The following TBCEL variants were observed in gnomAD, a reference collection of about 807,000 sequenced individuals.
TBCEL encodes tubulin-specific chaperone cofactor E-like protein.
A neutral mutation model predicts 44.2 loss-of-function variants in TBCEL; 15 were observed. The observed-to-expected ratio is 0.34, with a 90% CI of 0.23 to 0.52. TBCEL has a LOEUF of 0.52. Ranked by LOEUF, TBCEL falls within the 20% of genes least tolerant of loss-of-function variation. TBCEL has a pLI of 0.95. For synonymous variants in TBCEL, 171 were observed against 185.4 expected (o/e 0.92, Z 0.63); for missense variants, 319 against 506.3 (o/e 0.63, Z 3.55).
intron 8 of TBCEL, among the ~76,000 whole-genome samples, chr11:121,081,775 A>G (rs1476427188): frequency 6.6e-6 from 1 of 152,210 alleles, no homozygotes; most frequent in Non-Finnish European, 1.5e-5. Context: ...GAAAATTGGG[A>G]GAAAACAGAT....
chr11:121,034,401 G>A (rs986275221), intron 1 of TBCEL, among the ~76,000 whole-genome samples: 1 of 152,156 alleles, frequency 6.6e-6, no homozygotes, highest in African/African-American at 2.4e-5. Context: ...ATTTCTGACT[G>A]TGACATGATG....
intron 8 of TBCEL, among the ~76,000 whole-genome samples, chr11:121,063,857 G>A (rs754895112): frequency 6.6e-6 from 1 of 152,174 alleles, no homozygotes; most frequent in East Asian, 1.9e-4. Context: ...AGTTTTACTT[G>A]TATTTGGTTT....
In TBCEL at chr11:121,057,768, A is replaced by G. The variant is rs541006184; in HGVS notation, c.713-577A>G. ...TTTGTGTAAGTTATATGCAAATGCTATACTGTTTTATATAAGGGACTTGAG... is the reference window on the plus strand; with the variant it reads ...TTTGTGTAAGTTATATGCAAATGCTGTACTGTTTTATATAAGGGACTTGAG... On this transcript the variant is annotated intron_variant, in intron 6 of 8. Coordinates refer to ENST00000683345, the MANE Select transcript of TBCEL (RefSeq NM_001363644.2). Among the ~76,000 whole-genome samples, 4 of 152,000 alleles carry G rather than the reference A, an allele frequency of 2.6e-5. No homozygotes were observed. The South Asian group carries it at 8.3e-4, about 32-fold the overall frequency.
At chr11:121,029,779 C>T (rs998606020) in intron 1 of TBCEL, among the ~76,000 whole-genome samples, 2 of 142,680 alleles carry the variant, frequency 1.4e-5, no homozygotes, top group African/African-American at 5.2e-5. Context: ...AATTTTTCTT[C>T]TCATTCTGCC....
chr11:121,061,939 TTC>T (rs984776647), intron 8 of TBCEL, among the ~76,000 whole-genome samples: 1 of 152,176 alleles, frequency 6.6e-6, no homozygotes, highest in African/African-American at 2.4e-5. Flanking sequence ...TTTATAAGCT[TTC>T]TAATTTTTTA....
At chr11:121,076,321 CTCTT>C (rs1256920953) in intron 8 of TBCEL, among the ~76,000 whole-genome samples, 11 of 151,940 alleles carry the variant, frequency 7.2e-5, no homozygotes, top group Admixed American at 7.2e-4. Flanking sequence ...AACCCAGTAT[CTCTT>C]TCCATTTATT....
intron 1 of TBCEL, among the ~76,000 whole-genome samples, chr11:121,034,432 G>A (rs1251526491): frequency 1.3e-5 from 2 of 152,088 alleles, no homozygotes; most frequent in African/African-American, 2.4e-5. Flanking sequence ...TGGAATCTCC[G>A]TGGAGTAGAT....
At chr11:121,076,517 T>G (rs767635316) in intron 8 of TBCEL, among the ~76,000 whole-genome samples, 2 of 152,060 alleles carry the variant, frequency 1.3e-5, no homozygotes, top group Non-Finnish European at 2.9e-5. Flanking sequence ...TGTAATTGAC[T>G]TTGTATTCTA....
rs1946265578 is a variant in TBCEL, at chr11:121,089,760, A to G, written c.*2664A>G. ...TGTCCAGATTCAGTGAGAACATAGTATTGACATTATGAGGCAAAATGCTGT... is the reference window on the plus strand; with the variant it reads ...TGTCCAGATTCAGTGAGAACATAGTGTTGACATTATGAGGCAAAATGCTGT... On this transcript the variant is annotated 3_prime_UTR_variant, in exon 9 of 9. Coordinates refer to ENST00000683345, the MANE Select transcript of TBCEL (RefSeq NM_001363644.2). 1 of 152,232 alleles carries G rather than the reference A, an allele frequency of 6.6e-6. No individual in the cohort carries two copies. The highest frequency in any genetic ancestry group is 6.5e-5 in the Admixed American group (1 of 15,268). 9.4% of individuals were successfully genotyped at this position (152,232 alleles called of 1,614,324 possible). A position where few individuals can be genotyped will look rare whatever the true frequency, so the allele number is the denominator to read the frequency against.
chr11:121,025,009 A>C (rs550040182), intron 1 of TBCEL, among the ~76,000 whole-genome samples: 30 of 152,298 alleles, frequency 2.0e-4, no homozygotes, highest in Admixed American at 2.6e-4. Flanking sequence ...TAGTAGGAAG[A>C]CATTCTGGGA....
At chr11:121,029,101 CTTCTT>C (rs1038668219) in intron 1 of TBCEL, among the ~76,000 whole-genome samples, 37 of 152,264 alleles carry the variant, frequency 2.4e-4, no homozygotes, top group African/African-American at 8.7e-4. Context: ...ATGCTTTCCC[CTTCTT>C]TTCATCTAGT....
intron 8 of TBCEL, among the ~76,000 whole-genome samples, chr11:121,079,826 T>A (rs952150676): frequency 2.6e-5 from 4 of 152,176 alleles, no homozygotes; most frequent in Non-Finnish European, 5.9e-5. Context: ...AATGTTTTGT[T>A]TTTTTTGAAA....
intron 2 of TBCEL, among the ~76,000 whole-genome samples, 186 bp from the exon 3 acceptor site, chr11:121,045,488 T>A (rs1945413237): frequency 6.6e-6 from 1 of 152,144 alleles, no homozygotes; most frequent in African/African-American, 2.4e-5. Context: ...TTGCTGTCAT[T>A]TGTATATGTA....
chr11:121,074,146 G>C (rs551599534), intron 8 of TBCEL, among the ~76,000 whole-genome samples: 1 of 151,836 alleles, frequency 6.6e-6, no homozygotes, highest in Non-Finnish European at 1.5e-5. Context: ...TTTGGGGGTA[G>C]GTGTTTTAAT....
rs80261861 is a variant in TBCEL at position 121,026,262 on chromosome 11, A to G, written c.-126+1971A>G. Among the ~76,000 whole-genome samples, 786 of 152,324 alleles carry G rather than the reference A, an allele frequency of 5.2e-3. 5 individuals carry two copies. Among genetic ancestry groups the G allele is most frequent in the African/African-American group, 0.017 (722 of 41,562 alleles). On this transcript the variant is annotated intron_variant, in intron 1 of 8. Transcript: ENST00000683345. ...AGTTAACATCTTAATTCCCCTTACA[A>G]AAATTTTAGGTGGGGTCCTTAGAAA...
chr11:121,028,131 A>G (rs910694504), intron 1 of TBCEL, among the ~76,000 whole-genome samples: 1 of 152,084 alleles, frequency 6.6e-6, no homozygotes, highest in African/African-American at 2.4e-5. Context: ...CGAGCCTCAG[A>G]GGTTGAGGCT....
At chr11:121,047,483 G>A (rs770127692) in intron 3 of TBCEL, 45 bp from the exon 4 acceptor site, 1 of 1,605,528 alleles carries the variant, frequency 6.2e-7, no homozygotes, top group Non-Finnish European at 8.5e-7. Context: ...ATGTAGACAA[G>A]AATTTGGCTG....
chr11:121,039,405 T>C (rs1171121444), intron 2 of TBCEL, among the ~76,000 whole-genome samples: 1 of 152,248 alleles, frequency 6.6e-6, no homozygotes, highest in African/African-American at 2.4e-5. Flanking sequence ...TGTTATCTCA[T>C]GTATTTCCTT....
intron 8 of TBCEL, among the ~76,000 whole-genome samples, chr11:121,068,426 G>C (rs1175695277): frequency 6.6e-6 from 1 of 151,096 alleles, no homozygotes; most frequent in Non-Finnish European, 1.5e-5. Context: ...CCTATGTATA[G>C]AATCTGACTA....
Sources: allele counts gnomAD v4.1 joint callset (sites outside exome capture counted in the v4.1 genomes callset), GRCh38; gene constraint gnomAD v4.1.1; transcripts MANE v1.5; gene names NCBI Gene and HGNC (gene_info 2026-07-23, HGNC 2026-07-21).